GPHN: variants seen among roughly 807,000 people sequenced by gnomAD.
The protein encoded by GPHN is gephyrin.
Under a neutral mutation model 95.5 loss-of-function variants are expected in GPHN, and 17 were observed. That is an observed-to-expected ratio of 0.18 (90% CI 0.12 to 0.27). The LOEUF (loss-of-function observed/expected upper bound fraction) is 0.27. GPHN is among the 10% of genes least tolerant of loss of function. GPHN has a pLI of 1.00. For synonymous variants in GPHN, 320 were observed against 322.5 expected (o/e 0.99, Z 0.08); for missense variants, 660 against 978.1 (o/e 0.67, Z 4.34).
At chr14:67,438,261 G>C in the GPHN span, among the ~76,000 whole-genome samples, 1 of 152,208 alleles carries the variant, frequency 6.6e-6, no homozygotes, top group South Asian at 2.1e-4. Flanking sequence ...TAGAAGGTGG[G>C]GTGATCAGGG....
intron 4 of GPHN, among the ~76,000 whole-genome samples, chr14:66,841,980 G>C (rs2062109132): frequency 6.6e-6 from 1 of 152,104 alleles, no homozygotes; most frequent in African/African-American, 2.4e-5. Context: ...TTGAACCCAA[G>C]AGGCAAGGTT....
the GPHN span, among the ~76,000 whole-genome samples, chr14:67,449,690 T>G: frequency 1.2e-4 from 18 of 152,238 alleles, no homozygotes; most frequent in African/African-American, 3.9e-4. Flanking sequence ...CTCCCATAAT[T>G]CCCATGTATT....
chr14:66,659,059 A>G (rs914569151), intron 1 of GPHN, among the ~76,000 whole-genome samples: 2 of 151,806 alleles, frequency 1.3e-5, no homozygotes, highest in Admixed American at 6.6e-5. Context: ...ACTGTTTTCA[A>G]AAAAATGCAC....
the GPHN span, among the ~76,000 whole-genome samples, chr14:67,428,015 G>A: frequency 6.6e-6 from 1 of 151,174 alleles, no homozygotes; most frequent in Admixed American, 6.6e-5. Flanking sequence ...TCTGCCTCCC[G>A]GGTTCAAGCG....
the GPHN span, among the ~76,000 whole-genome samples, chr14:67,368,207 G>A: frequency 6.6e-6 from 1 of 152,208 alleles, no homozygotes; most frequent in Non-Finnish European, 1.5e-5. Flanking sequence ...GCAGAGCAGC[G>A]TAAACGGCTT....
At chr14:66,939,881 C>G (rs1011436951) in intron 8 of GPHN, among the ~76,000 whole-genome samples, 1 of 152,094 alleles carries the variant, frequency 6.6e-6, no homozygotes, top group Admixed American at 6.6e-5. Flanking sequence ...GTTGCATGAC[C>G]GTTTGGAGGT....
intron 19 of GPHN, among the ~76,000 whole-genome samples, chr14:67,160,144 C>G (rs1337337686): frequency 6.6e-6 from 1 of 152,016 alleles, no homozygotes; most frequent in Non-Finnish European, 1.5e-5. Context: ...TTTGTTAAGT[C>G]TCTATTAAAT....
At chr14:67,246,037 T>G in the GPHN span, among the ~76,000 whole-genome samples, 8 of 152,080 alleles carry the variant, frequency 5.3e-5, no homozygotes, top group African/African-American at 1.7e-4. Flanking sequence ...CTCTTGTCTC[T>G]TTGTCAAAAG....
intron 4 of GPHN, among the ~76,000 whole-genome samples, chr14:66,828,910 G>A (rs1455810937): frequency 1.3e-5 from 2 of 149,776 alleles, no homozygotes; most frequent in African/African-American, 5.1e-5. Flanking sequence ...TTTAGGCCCT[G>A]CATCATAGAA....
the GPHN span, chr14:67,689,946 A>C: frequency 3.2e-6 from 1 of 314,890 alleles, no homozygotes; most frequent in Non-Finnish European, 6.1e-6. Context: ...TCCCGTCTCA[A>C]AAAAAAAAAA....
At chr14:67,342,725 C>T in the GPHN span, among the ~76,000 whole-genome samples, 1 of 150,426 alleles carries the variant, frequency 6.6e-6, no homozygotes, top group South Asian at 2.1e-4. Flanking sequence ...GTTAATATAT[C>T]ATATTATACA....
chr14:67,191,688 T>G, the GPHN span, among the ~76,000 whole-genome samples: 2 of 152,140 alleles, frequency 1.3e-5, no homozygotes, highest in Non-Finnish European at 2.9e-5. Context: ...CTTGAAACAG[T>G]ATACACAGAT....
chr14:67,644,161 A>C, the GPHN span, among the ~76,000 whole-genome samples: 1 of 152,232 alleles, frequency 6.6e-6, no homozygotes, highest in Non-Finnish European at 1.5e-5. Flanking sequence ...AGGCAATCTG[A>C]AATTCTAGAG....
chr14:67,212,317 T>C, the GPHN span, among the ~76,000 whole-genome samples: 1 of 152,126 alleles, frequency 6.6e-6, no homozygotes, highest in East Asian at 1.9e-4. Flanking sequence ...ACAAAAAATG[T>C]ATCTTAGGGC....
chr14:66,841,511 A>T (rs1567007387), intron 4 of GPHN, among the ~76,000 whole-genome samples: 1 of 152,194 alleles, frequency 6.6e-6, no homozygotes. Flanking sequence ...TGAGAAGTAG[A>T]TTACTGATAT....
At chr14:67,719,392 C>A in the GPHN span, among the ~76,000 whole-genome samples, 1 of 152,186 alleles carries the variant, frequency 6.6e-6, no homozygotes, top group Non-Finnish European at 1.5e-5. Flanking sequence ...GTCTTAAGAC[C>A]TTTTCCAAGC....
At chr14:67,634,310 G>A in the GPHN span, among the ~76,000 whole-genome samples, 4 of 151,870 alleles carry the variant, frequency 2.6e-5, no homozygotes, top group African/African-American at 9.7e-5. Flanking sequence ...ATGTTAGTAG[G>A]GGCTGGGTGC....
chr14:67,212,440 A>T, the GPHN span, among the ~76,000 whole-genome samples: 2 of 151,264 alleles, frequency 1.3e-5, no homozygotes, highest in African/African-American at 4.9e-5. Flanking sequence ...AAATACAAAA[A>T]TTTTGCAGAG....
intron 2 of GPHN, among the ~76,000 whole-genome samples, chr14:66,744,540 C>A (rs1265074051): frequency 6.6e-6 from 1 of 152,164 alleles, no homozygotes; most frequent in East Asian, 1.9e-4. Context: ...AGTGAATTAT[C>A]TAATACATTT....
Sources: allele counts gnomAD v4.1 joint callset (sites outside exome capture counted in the v4.1 genomes callset), GRCh38; gene constraint gnomAD v4.1.1; transcripts MANE v1.5; gene names NCBI Gene and HGNC (gene_info 2026-07-23, HGNC 2026-07-21).